Variants in C10orf90 observed in about 807,000 individuals in gnomAD.
The protein encoded by C10orf90 is chromosome 10 open reading frame 90.
Under a neutral mutation model 62.5 loss-of-function variants are expected in C10orf90, and 56 were observed. The observed-to-expected ratio is 0.90, with a 90% CI of 0.72 to 1.12. The LOEUF (loss-of-function observed/expected upper bound fraction) is 1.12, where lower values mean the gene tolerates loss of function less well. C10orf90 is among the 50% of genes most tolerant of loss of function. C10orf90 has a pLI of 0.00. For synonymous variants in C10orf90, 386 were observed against 340.4 expected (o/e 1.13, Z -1.47); for missense variants, 970 against 880.4 (o/e 1.10, Z -1.29).
chr10:126,443,199 A>C (rs1193677691), intron 7 of C10orf90, among the ~76,000 whole-genome samples: 1 of 152,120 alleles, frequency 6.6e-6, no homozygotes, highest in East Asian at 1.9e-4. Flanking sequence ...ACACACATAC[A>C]CAAATACAAA....
Position 126,465,005 on chromosome 10 carries a change from TTGTG to T in C10orf90, c.1535-23_1535-20del. 1 of 1,590,740 alleles carries T rather than the reference TTGTG, an allele frequency of 6.3e-7. No homozygotes were observed. The highest frequency in any genetic ancestry group is 2.3e-5 in the East Asian group (1 of 44,292). On this transcript the variant is annotated intron_variant, in intron 4 of 9. Coordinates refer to ENST00000488181, the MANE Select transcript of C10orf90 (RefSeq NM_001350921.2). ...GTGTGTACTAAAAATAAAACGAGAG[TTGTG>T]CTCAAAATCTCTTATGAATCCAATC...
intron 2 of C10orf90, among the ~76,000 whole-genome samples, chr10:126,574,702 A>C (rs1265850504): frequency 2.6e-5 from 4 of 152,100 alleles, no homozygotes; most frequent in African/African-American, 9.6e-5. Context: ...AATAATATTA[A>C]TTAATAATCT....
chr10:126,641,905 C>T (rs901529841), intron 2 of C10orf90, among the ~76,000 whole-genome samples: 1 of 152,182 alleles, frequency 6.6e-6, no homozygotes, highest in Non-Finnish European at 1.5e-5. Context: ...ATCCACTCCC[C>T]ACCCTTCCCA....
At chr10:126,470,290 A>C (rs1027175683) in intron 4 of C10orf90, 2 of 332,172 alleles carry the variant, frequency 6.0e-6, no homozygotes, top group Non-Finnish European at 1.2e-5. Flanking sequence ...GGCAGTAACA[A>C]TGGGTACTCC....
chr10:126,491,941 A>G (rs538007230), intron 4 of C10orf90, among the ~76,000 whole-genome samples: 2 of 152,352 alleles, frequency 1.3e-5, no homozygotes, highest in South Asian at 4.1e-4. Context: ...AGGTTACAGA[A>G]GTCCTTTCTA....
chr10:126,461,467 C>T lies in C10orf90; in HGVS notation c.1944G>A (p.Gly648=). The change falls in exon 6 of 10, where the codon GGG becomes GGA. Residue 648 remains glycine (G), a synonymous_variant. Coordinates refer to ENST00000488181, the MANE Select transcript of C10orf90 (RefSeq NM_001350921.2). ...APSPAPRDGA[G]SPGLSEDCSE... is the part of the protein sequence containing the mutation. ...AACAGTCTTCGGACAGGCCAGGGCT[C>T]CCTGCTCCATCGCGGGGTGCTGGCG... The T allele has an allele frequency of 1.4e-5, 23 of 1,614,152 alleles. No homozygotes were observed. The highest frequency in any genetic ancestry group is 1.9e-5 in the Non-Finnish European group (23 of 1,180,026).
chr10:126,484,919 G>A (rs955194920), intron 4 of C10orf90, among the ~76,000 whole-genome samples: 3 of 152,078 alleles, frequency 2.0e-5, no homozygotes, highest in Non-Finnish European at 4.4e-5. Flanking sequence ...GGGAAAACAG[G>A]TCACTCTAAT....
At chr10:126,491,377 T>C (rs544378198) in intron 4 of C10orf90, among the ~76,000 whole-genome samples, 6 of 152,340 alleles carry the variant, frequency 3.9e-5, no homozygotes, top group African/African-American at 1.4e-4. Flanking sequence ...CTATATCTAA[T>C]TGTGGTTAGT....
At chr10:126,444,661 G>GA (rs1309448993) in intron 7 of C10orf90, among the ~76,000 whole-genome samples, 4 of 151,978 alleles carry the variant, frequency 2.6e-5, no homozygotes, top group Non-Finnish European at 4.4e-5. Context: ...CACAGAATTA[G>GA]AAAAAACAAT....
chr10:126,445,826 T>TATATATATATATATAC (rs57867349), intron 7 of C10orf90, among the ~76,000 whole-genome samples: 39 of 144,764 alleles, frequency 2.7e-4, no homozygotes, highest in Admixed American at 7.6e-4. Flanking sequence ...TATATATATA[T>TATATATATATATATAC]ACAATGGAAT....
intron 2 of C10orf90, among the ~76,000 whole-genome samples, chr10:126,558,495 C>T (rs1864827205): frequency 6.6e-6 from 1 of 152,180 alleles, no homozygotes; most frequent in Non-Finnish European, 1.5e-5. Context: ...GGCTGTGCAC[C>T]CCCTCACCTT....
rs558172359 is a variant in C10orf90 at position 126,634,175 on chromosome 10, C to T, written c.313+12390G>A. Among the ~76,000 whole-genome samples, 48 of 152,304 alleles carry T rather than the reference C, an allele frequency of 3.2e-4. 2 individuals carry two copies. The highest frequency in any genetic ancestry group is 9.4e-4 in the African/African-American group (39 of 41,578). On this transcript the variant is annotated intron_variant, in intron 2 of 9. Coordinates refer to ENST00000488181, the MANE Select transcript of C10orf90 (RefSeq NM_001350921.2). ...AATCAGATTCTCAAACAAATATCTG[C>T]ACTCCCATGTTTACTGTAGCACTCT...
intron 7 of C10orf90, among the ~76,000 whole-genome samples, chr10:126,449,231 G>A (rs970364994): frequency 2.0e-5 from 3 of 152,084 alleles, no homozygotes; most frequent in East Asian, 3.9e-4. Context: ...TGATGGTTCC[G>A]TATCAAAAAT....
chr10:126,465,909 T>C lies in C10orf90; in HGVS notation c.1535-923A>G, dbSNP rs185688560. ...AGTGTGCTTCCCCAGTAAATGCTTT[T>C]AGACTCAGAAATCTCTCAAAGGACA... On this transcript the variant is annotated intron_variant, in intron 4 of 9. Coordinates refer to ENST00000488181, the MANE Select transcript of C10orf90 (RefSeq NM_001350921.2). Among the ~76,000 whole-genome samples, 1,237 of 152,330 alleles carry C rather than the reference T, an allele frequency of 8.1e-3. 9 individuals are homozygous for C. Among genetic ancestry groups the C allele is most frequent in the Non-Finnish European group, 0.014 (962 of 68,036 alleles).
At chr10:126,556,644 C>T (rs566919516) in intron 2 of C10orf90, among the ~76,000 whole-genome samples, 1 of 152,096 alleles carries the variant, frequency 6.6e-6, no homozygotes, top group Non-Finnish European at 1.5e-5. Context: ...CAGGTCCCCA[C>T]GGGAGAACAA....
At chr10:126,545,706 CTT>C (rs1864475582) in intron 2 of C10orf90, among the ~76,000 whole-genome samples, 1 of 152,118 alleles carries the variant, frequency 6.6e-6, no homozygotes, top group South Asian at 2.1e-4. Flanking sequence ...GCATATAACT[CTT>C]GTTTTCACAC....
intron 4 of C10orf90, among the ~76,000 whole-genome samples, chr10:126,470,892 A>G (rs1217945246): frequency 6.6e-6 from 1 of 152,186 alleles, no homozygotes; most frequent in African/African-American, 2.4e-5. Context: ...TTAAGGCTTC[A>G]ACTTTTGTCT....
chr10:126,483,270 A>T (rs527565605), intron 4 of C10orf90, among the ~76,000 whole-genome samples: 1 of 152,362 alleles, frequency 6.6e-6, no homozygotes, highest in South Asian at 2.1e-4. Flanking sequence ...CATACTTGGC[A>T]TTCTGGTCTT....
At chr10:126,444,355 A>T (rs1858599571) in intron 7 of C10orf90, among the ~76,000 whole-genome samples, 1 of 152,170 alleles carries the variant, frequency 6.6e-6, no homozygotes, top group Non-Finnish European at 1.5e-5. Context: ...TACACAAATC[A>T]GTAGCTCTCC....
Sources: gnomAD v4.1 joint callset for allele counts (sites outside exome capture counted in the v4.1 genomes callset) on GRCh38, gnomAD v4.1.1 for gene constraint, MANE v1.5 for transcripts, NCBI Gene and HGNC (gene_info 2026-07-23, HGNC 2026-07-21) for gene names.